Variants in FBXL17 observed in about 807,000 individuals in gnomAD.
FBXL17 encodes the protein F-box/LRR-repeat protein 17.
A neutral mutation model predicts 66.2 loss-of-function variants in FBXL17; 22 were observed. The observed-to-expected ratio is 0.33, with a 90% CI of 0.24 to 0.47. The LOEUF (loss-of-function observed/expected upper bound fraction) is 0.47, where lower values mean the gene tolerates loss of function less well. Ranked by LOEUF, FBXL17 falls within the 20% of genes least tolerant of loss-of-function variation. The pLI is 1.00. For missense variants in FBXL17, 878 were observed against 948.2 expected (o/e 0.93, Z 0.97); for synonymous variants, 474 against 400.5 (o/e 1.18, Z -2.19).
chr5:108,140,014 G>A (rs158174), intron 6 of FBXL17, among the ~76,000 whole-genome samples: 100,768 of 151,870 alleles, frequency 0.66, 34,308 homozygotes, highest in East Asian at 0.92. Context: ...ACTCCTCAGT[G>A]TATTATAATC....
At position 107,993,188 on chromosome 5, in the gene FBXL17, C is replaced by T. The variant is rs574355567; in HGVS notation, c.1822+27737G>A. 2.6e-5 allele frequency among the ~76,000 whole-genome samples: 4 copies of T among 152,310 alleles called. 1 individual carries two copies. The highest frequency in any genetic ancestry group is 9.6e-5 in the African/African-American group (4 of 41,584). ...GGGATTACAGGCGTGAGCCACCGCA[C>T]CCGGCCTGTTTTTCTTTTCTAAGTC... On this transcript the variant is annotated intron_variant, in intron 7 of 8. Coordinates refer to ENST00000542267, the MANE Select transcript of FBXL17 (RefSeq NM_001163315.3).
At chr5:108,213,894 T>C (rs1014229326) in intron 5 of FBXL17, among the ~76,000 whole-genome samples, 1 of 152,238 alleles carries the variant, frequency 6.6e-6, no homozygotes, top group Non-Finnish European at 1.5e-5. Flanking sequence ...TGACAGTTCT[T>C]AATATATTCT....
chr5:108,370,742 C>CG (rs911478503), intron 1 of FBXL17, among the ~76,000 whole-genome samples: 7 of 147,240 alleles, frequency 4.8e-5, no homozygotes, highest in Non-Finnish European at 9.0e-5. Flanking sequence ...GACTCCTTCT[C>CG]GGAAAAAAAA....
rs534865932 is a variant in FBXL17, at chr5:108,207,710, T to C, written c.1614+16411A>G. Among the ~76,000 whole-genome samples the C allele has an allele frequency of 3.5e-4, 53 of 152,352 alleles. 1 individual carries two copies. Among genetic ancestry groups the C allele is most frequent in the Non-Finnish European group, 6.0e-4 (41 of 68,034 alleles). On this transcript the variant is annotated intron_variant, in intron 5 of 8. Coordinates refer to ENST00000542267, the MANE Select transcript of FBXL17 (RefSeq NM_001163315.3). ...GTGTATATGTGCCACATTTTCTTTATCCAGTATATTATTGATGGACATTTG... is the reference window on the plus strand; with the variant it reads ...GTGTATATGTGCCACATTTTCTTTACCCAGTATATTATTGATGGACATTTG...
At chr5:107,902,908 G>C (rs1749622485) in intron 7 of FBXL17, among the ~76,000 whole-genome samples, 1 of 151,780 alleles carries the variant, frequency 6.6e-6, no homozygotes, top group Non-Finnish European at 1.5e-5. Context: ...AAATTTTACT[G>C]TAGTTTGTAT....
intron 6 of FBXL17, among the ~76,000 whole-genome samples, chr5:108,042,655 T>G (rs985789642): frequency 2.0e-5 from 3 of 152,332 alleles, no homozygotes; most frequent in East Asian, 3.9e-4. Flanking sequence ...TGTTCACCCA[T>G]TCACTTATTA....
At position 108,211,970 on chromosome 5, in the gene FBXL17, A is replaced by C. The variant is rs150859118; in HGVS notation, c.1614+12151T>G. ...CCATCACCTTCAGGTACATCAATCA[A>C]ACATAGATTTGGTCTTTTCACACAG... On this transcript the variant is annotated intron_variant, in intron 5 of 8. Transcript: ENST00000542267. Among the ~76,000 whole-genome samples, 792 of 152,178 alleles carry C rather than the reference A, an allele frequency of 5.2e-3. 9 individuals are homozygous for C. The highest frequency in any genetic ancestry group is 0.018 in the African/African-American group (750 of 41,522).
At chr5:108,268,441 G>A (rs898595707) in intron 4 of FBXL17, among the ~76,000 whole-genome samples, 4 of 152,014 alleles carry the variant, frequency 2.6e-5, no homozygotes, top group South Asian at 2.1e-4. Context: ...AACGTTATCA[G>A]AAAAGGACCA....
chr5:108,222,560 A>G (rs960553738), intron 5 of FBXL17, among the ~76,000 whole-genome samples: 3 of 152,206 alleles, frequency 2.0e-5, no homozygotes, highest in African/African-American at 7.2e-5. Context: ...CAGTCCTTTA[A>G]GACATACTAC....
chr5:108,099,639 G>C (rs1316434965), intron 6 of FBXL17, among the ~76,000 whole-genome samples: 1 of 152,152 alleles, frequency 6.6e-6, no homozygotes, highest in Admixed American at 6.5e-5. Flanking sequence ...TCCTAGATAT[G>C]AATGATACTT....
chr5:107,954,210 G>A (rs1349267001), intron 7 of FBXL17, among the ~76,000 whole-genome samples: 2 of 152,094 alleles, frequency 1.3e-5, no homozygotes, highest in Non-Finnish European at 1.5e-5. Context: ...AATTCCAAGT[G>A]AGAAGAAAGA....
chr5:108,087,114 T>A (rs1749004309), intron 6 of FBXL17, among the ~76,000 whole-genome samples: 1 of 152,166 alleles, frequency 6.6e-6, no homozygotes, highest in Non-Finnish European at 1.5e-5. Flanking sequence ...AGCTGATGGA[T>A]TGAGGAAATT....
chr5:108,161,818 C>A (rs1752229794), intron 6 of FBXL17, among the ~76,000 whole-genome samples: 1 of 152,160 alleles, frequency 6.6e-6, no homozygotes, highest in South Asian at 2.1e-4. Flanking sequence ...CATCTTTCAT[C>A]AGCAAGAGCA....
intron 6 of FBXL17, among the ~76,000 whole-genome samples, chr5:108,082,852 A>T (rs1016397236): frequency 5.3e-5 from 8 of 152,236 alleles, no homozygotes; most frequent in Non-Finnish European, 7.3e-5. Flanking sequence ...TTGTAGAACT[A>T]AAGTGAAAAT....
intron 6 of FBXL17, among the ~76,000 whole-genome samples, chr5:108,056,264 A>G (rs567177767): frequency 2.5e-4 from 38 of 152,340 alleles, no homozygotes; most frequent in Admixed American, 5.9e-4. Context: ...CCTATCAGAG[A>G]GAAGCCAAAG....
At chr5:108,049,077 C>A (rs997681063) in intron 6 of FBXL17, among the ~76,000 whole-genome samples, 2 of 152,086 alleles carry the variant, frequency 1.3e-5, no homozygotes, top group Non-Finnish European at 2.9e-5. Context: ...CAAAGGGAAG[C>A]CCATCAGACT....
In FBXL17 at chr5:108,232,790, TATATATATATATATA is replaced by T. The variant is rs1231800873; in HGVS notation, c.1507-8577_1507-8563del. Among the ~76,000 whole-genome samples the T allele has an allele frequency of 2.5e-5, 3 of 121,572 alleles. No individual in the cohort carries two copies. The Admixed American group carries it at 2.5e-4, about 10-fold the overall frequency. The allele number at this position is 121,572 out of a possible 152,430, so 79.8% of individuals were successfully genotyped here. A position where few individuals can be genotyped will look rare whatever the true frequency, so the allele number is the denominator to read the frequency against. On this transcript the variant is annotated intron_variant, in intron 4 of 8. Coordinates refer to ENST00000542267, the MANE Select transcript of FBXL17 (RefSeq NM_001163315.3). ...TACTGAATAAGCTCTCACATATATATATATATATATATATAATATATACTATTAGTTCTGTCCCTC... is the reference window on the plus strand; with the variant it reads ...TACTGAATAAGCTCTCACATATATATATATATACTATTAGTTCTGTCCCTC...
chr5:108,323,824 A>G (rs2150224080), intron 4 of FBXL17, among the ~76,000 whole-genome samples: 1 of 152,220 alleles, frequency 6.6e-6, no homozygotes, highest in Non-Finnish European at 1.5e-5. Context: ...TGCCGGCACT[A>G]TTCAGTGGGG....
chr5:107,904,456 C>T (rs1462562925), intron 7 of FBXL17, among the ~76,000 whole-genome samples: 1 of 152,116 alleles, frequency 6.6e-6, no homozygotes, highest in Non-Finnish European at 1.5e-5. Flanking sequence ...CCAGTCTTGC[C>T]CCACTCCAAC....
Sources: allele counts gnomAD v4.1 joint callset (sites outside exome capture counted in the v4.1 genomes callset), GRCh38; gene constraint gnomAD v4.1.1; transcripts MANE v1.5; gene names NCBI Gene and HGNC (gene_info 2026-07-23, HGNC 2026-07-21).